AHNAK2: variants seen among roughly 807,000 people sequenced by gnomAD.
AHNAK2 encodes AHNAK nucleoprotein 2, also known as protein AHNAK2.
A neutral mutation model predicts 30.7 loss-of-function variants in AHNAK2; 18 were observed. The ratio of observed to expected loss-of-function variants is 0.59; its 90% CI spans 0.41 to 0.87. The LOEUF (loss-of-function observed/expected upper bound fraction) is 0.87. Among genes scored for constraint, AHNAK2 ranks in the 40% least tolerant of loss-of-function variants. AHNAK2 has a pLI of 0.00. For synonymous variants in AHNAK2, 3,590 were observed against 3,073.8 expected, an observed-to-expected ratio of 1.17 and a Z score of -5.56; for missense variants, 8,604 against 7,373.0, an observed-to-expected ratio of 1.17 and a Z score of -6.11.
rs774769074 is a variant in AHNAK2 at position 104,953,962 on chromosome 14, A to G, written c.1489T>C (p.Ser497Pro). The part of the protein sequence containing the change: ...HDLKTPKFAF[S>P]TEKEPERERR... ...TCTCTTTCTGGCTCTTTTTCTGTGG[A>G]AAATGCAAATTTTGGTGTCTTTAAA... The change falls in exon 7 of 7, where the codon TCC becomes CCC. Residue 497 changes from serine (S) to proline (P), a missense_variant. Transcript: ENST00000333244. 14 of 1,613,704 alleles carry G rather than the reference A, an allele frequency of 8.7e-6. No individual in the cohort carries two copies. The highest frequency in any genetic ancestry group is 4.5e-5 in the East Asian group (2 of 44,886).
At position 104,938,708 on chromosome 14, in the gene AHNAK2, G is replaced by T. The variant is rs1309917729; in HGVS notation, c.16743C>A (p.Val5581=). 6.2e-7 allele frequency: 1 copy of T among 1,613,346 alleles called. No individual in the cohort carries two copies. Among genetic ancestry groups the T allele is most frequent in the African/African-American group, 1.3e-5 (1 of 74,920 alleles). The change falls in exon 7 of 7, where the codon GTC becomes GTA. Residue 5581 remains valine, a synonymous_variant. Transcript: ENST00000333244. The part of the protein sequence containing the change: ...GEPFEMISSS[V]NVLGQQTLTF... ...TGAGTGTTTGCTGTCCCAGTACATT[G>T]ACGCTGGAAGAGATCATCTCAAATG...
At position 104,945,224 on chromosome 14, in the gene AHNAK2, G is replaced by T; in HGVS notation, c.10227C>A (p.Pro3409=). ...GCTTGGGGCCCTTGATGTCCACCTG[G>T]GGGCTCTTGAGGTCCACTTTGGGCA... The part of the protein sequence containing the change: ...FKMPKVDLKS[P]QVDIKGPKLD... The change falls in exon 7 of 7, where the codon CCC becomes CCA. Residue 3409 remains proline (P), a synonymous_variant. Coordinates refer to ENST00000333244, the MANE Select transcript of AHNAK2 (RefSeq NM_138420.4). 6.2e-7 allele frequency: 1 copy of T among 1,612,904 alleles called. No individual in the cohort carries two copies. Among genetic ancestry groups the T allele is most frequent in the Non-Finnish European group, 8.5e-7 (1 of 1,179,566 alleles).
chr14:104,938,928 G>A lies in AHNAK2; in HGVS notation c.16523C>T (p.Thr5508Met), dbSNP rs372998948. The change falls in exon 7 of 7, where the codon ACG becomes ATG. Residue 5508 changes from threonine to methionine, a missense_variant. Coordinates refer to ENST00000333244, the MANE Select transcript of AHNAK2 (RefSeq NM_138420.4). The stretch of plus-strand genomic sequence containing the variant: ...GTACGAAGGTGTTTGAATCTCTGAC[G>A]TGGGGATCTCTGATTCCCGCACAAT... The part of the protein sequence containing the change: ...TQIVRESEIP[T>M]SEIQTPSYGF... 1.2e-4 allele frequency: 189 copies of A among 1,613,512 alleles called. No individual in the cohort carries two copies. Among genetic ancestry groups the A allele is most frequent in the Non-Finnish European group, 1.5e-4 (175 of 1,179,820 alleles).
chr14:104,948,217 G>A lies in AHNAK2; in HGVS notation c.7234C>T (p.Pro2412Ser), dbSNP rs1312216174. The change falls in exon 7 of 7, where the codon CCC becomes TCC. Residue 2412 changes from proline to serine, a missense_variant. Pro to Ser is a moderately conservative substitution (Grantham distance 74, BLOSUM62 -1). Coordinates refer to ENST00000333244, the MANE Select transcript of AHNAK2 (RefSeq NM_138420.4). Reference protein sequence around the residue: ...PKLQMPSFKMPKVDLKGPQID... With the variant: ...PKLQMPSFKMSKVDLKGPQID... ...TGGGGGCCCTTGAGATCTACTTTGGGCATCTTGAAACTGGGCATCTGCAGC... is the reference window on the plus strand; with the variant it reads ...TGGGGGCCCTTGAGATCTACTTTGGACATCTTGAAACTGGGCATCTGCAGC... The A allele has an allele frequency of 1.2e-6, 2 of 1,612,372 alleles. No homozygotes were observed. Among genetic ancestry groups the A allele is most frequent in the Non-Finnish European group, 1.7e-6 (2 of 1,179,536 alleles).
chr14:104,959,420 T>C (rs959299913), intron 1 of AHNAK2, among the ~76,000 whole-genome samples: 10 of 152,200 alleles, frequency 6.6e-5, no homozygotes, highest in Non-Finnish European at 1.3e-4. Flanking sequence ...TCCGCCTGCC[T>C]CAGCCTCCCA....
At position 104,957,515 on chromosome 14, in the gene AHNAK2, G is replaced by T. The variant is rs1448722996; in HGVS notation, c.115-7C>A. 21 of 1,595,528 alleles carry T rather than the reference G, an allele frequency of 1.3e-5. No homozygotes were observed. Among genetic ancestry groups the T allele is most frequent in the Non-Finnish European group, 1.7e-5 (20 of 1,170,434 alleles). On this transcript the variant is annotated splice_region_variant and splice_polypyrimidine_tract_variant and intron_variant, in intron 2 of 6. Coordinates refer to ENST00000333244, the MANE Select transcript of AHNAK2 (RefSeq NM_138420.4). The stretch of plus-strand genomic sequence containing the variant: ...CCGCAGGCCCTTCAGTCACCTGACG[G>T]GAGAGAATCCAGTTATTTTTGCCAC...
Position 104,950,348 on chromosome 14 carries a change from C to G in AHNAK2, c.5103G>C (p.Leu1701=), listed in dbSNP as rs2582506. The part of the protein sequence containing the change: ...DVSLPSMQGD[L]KTTDLSIQSP... ...ACTGAATGCTGAGGTCAGTGGTCTTCAGGTCCCCCTGCATGGAGGGGAGGC... is the reference window on the plus strand; with the variant it reads ...ACTGAATGCTGAGGTCAGTGGTCTTGAGGTCCCCCTGCATGGAGGGGAGGC... The change falls in exon 7 of 7, where the codon CTG becomes CTC. Residue 1701 remains leucine (L), a synonymous_variant. Transcript: ENST00000333244. 1,040,826 of 1,578,850 alleles carry G rather than the reference C, an allele frequency of 0.66. 382,234 individuals are homozygous for G. The highest frequency in any genetic ancestry group is 0.74 in the Middle Eastern group (4,423 of 6,002).
chr14:104,953,532 T>C lies in AHNAK2; in HGVS notation c.1919A>G (p.Asp640Gly). The C allele has an allele frequency of 2.5e-6, 4 of 1,614,014 alleles. No homozygotes were observed. Among genetic ancestry groups the C allele is most frequent in the Non-Finnish European group, 3.4e-6 (4 of 1,179,894 alleles). ...TATTTTTGTTGTGTTTGTCATTGAG[T>C]CACTGTCTTCTTTGTCTTTTAATCC... Reference protein sequence around the residue: ...EEGLKDKEDSDSMTNTTKIQL... With the variant: ...EEGLKDKEDSGSMTNTTKIQL... The change falls in exon 7 of 7, where the codon GAC becomes GGC. Residue 640 changes from aspartate (D) to glycine (G), a missense_variant. Coordinates refer to ENST00000333244, the MANE Select transcript of AHNAK2 (RefSeq NM_138420.4).
At position 104,948,770 on chromosome 14, in the gene AHNAK2, G is replaced by T. The variant is rs371653767; in HGVS notation, c.6681C>A (p.Pro2227=). The T allele has an allele frequency of 6.2e-7, 1 of 1,610,764 alleles. No homozygotes were observed. The highest frequency in any genetic ancestry group is 1.4e-5 in the African/African-American group (1 of 73,440). ...VDVKLLEGPV[P]EEVGLKGHLP... is the part of the protein sequence containing the mutation. Reference sequence around the variant, plus strand: ...GGTGCCCTTTGAGGCCGACTTCCTCGGGCACAGGGCCCTCCAGGAGTTTCA... The same window carrying T: ...GGTGCCCTTTGAGGCCGACTTCCTCTGGCACAGGGCCCTCCAGGAGTTTCA... Residue 2227 remains proline (P), a synonymous_variant, in exon 7 of 7, where the codon CCC becomes CCA. Coordinates refer to ENST00000333244, the MANE Select transcript of AHNAK2 (RefSeq NM_138420.4).
chr14:104,969,741 CAT>C (rs1421163388), intron 1 of AHNAK2, among the ~76,000 whole-genome samples: 3 of 152,334 alleles, frequency 2.0e-5, no homozygotes, highest in Admixed American at 2.0e-4. Context: ...CAGGGTAGCA[CAT>C]GTGCCACCTC....
chr14:104,956,072 T>C (rs1336782163), intron 4 of AHNAK2, among the ~76,000 whole-genome samples: 1 of 152,092 alleles, frequency 6.6e-6, no homozygotes, highest in Non-Finnish European at 1.5e-5. Flanking sequence ...GGACATTGGG[T>C]GCAGCCTGCG....
intron 1 of AHNAK2, among the ~76,000 whole-genome samples, chr14:104,963,354 T>C (rs1899203268): frequency 6.6e-6 from 1 of 152,192 alleles, no homozygotes; most frequent in Non-Finnish European, 1.5e-5. Context: ...GATATCCATA[T>C]GGAAAAACAT....
At position 104,953,800 on chromosome 14, in the gene AHNAK2, C is replaced by T; in HGVS notation, c.1651G>A (p.Gly551Arg). ...CCTTCCTCTCCATCTCCTTCATCCC[C>T]CTGTGCTTCTGCATGTGTGGTTGGT... ...REPTTHAEAQGDEGDGEEGLQ... is the reference protein window; with the variant it reads ...REPTTHAEAQRDEGDGEEGLQ... The change falls in exon 7 of 7, where the codon GGG becomes AGG. Residue 551 changes from glycine to arginine, a missense_variant. By Grantham distance (125) the Gly-to-Arg change is moderately radical. Transcript: ENST00000333244. The T allele has an allele frequency of 6.2e-7, 1 of 1,613,988 alleles. No individual in the cohort carries two copies.
chr14:104,954,997 G>C lies in AHNAK2; in HGVS notation c.611C>G (p.Ser204Cys). 6 of 1,613,612 alleles carry C rather than the reference G, an allele frequency of 3.7e-6. No homozygotes were observed. The highest frequency in any genetic ancestry group is 1.1e-5 in the South Asian group (1 of 91,088). ...CTGTGGGCCGTGCTGGGCATCGCTGGAAGCCCACTCTTCATCCTGTGGGGC... is the reference window on the plus strand; with the variant it reads ...CTGTGGGCCGTGCTGGGCATCGCTGCAAGCCCACTCTTCATCCTGTGGGGC... ...LPAPQDEEWA[S>C]SDAQHGPQGK... Residue 204 changes from serine (S) to cysteine (C), a missense_variant, in exon 6 of 7, where the codon TCC becomes TGC. Ser to Cys is a moderately radical substitution (Grantham distance 112, BLOSUM62 -1). Coordinates refer to ENST00000333244, the MANE Select transcript of AHNAK2 (RefSeq NM_138420.4). The surrounding 1 kb of genome is among the most constrained non-coding windows in gnomAD (Gnocchi z 4.3).
chr14:104,963,854 G>A (rs548130734), intron 1 of AHNAK2, among the ~76,000 whole-genome samples: 10 of 149,080 alleles, frequency 6.7e-5, no homozygotes, highest in East Asian at 2.0e-4. Flanking sequence ...AAAAAAAAGA[G>A]AGAGAGAGAA....
At chr14:104,978,001 G>T (rs1277880807) in intron 1 of AHNAK2, among the ~76,000 whole-genome samples, 182 bp downstream of exon 1, 1 of 152,176 alleles carries the variant, frequency 6.6e-6, no homozygotes, top group Non-Finnish European at 1.5e-5. Flanking sequence ...TAGAACGCGA[G>T]GCATGGGAGA....
rs141727495 is a variant in AHNAK2 at position 104,938,753 on chromosome 14, G to A, written c.16698C>T (p.Leu5566=). 8,618 of 1,613,936 alleles carry A rather than the reference G, an allele frequency of 5.3e-3. 33 individuals carry two copies. Among genetic ancestry groups the A allele is most frequent in the Admixed American group, 0.012 (691 of 60,026 alleles). ...TPGVDSISGD[L]QPDTGEPFEM... ...CAAATGGTTCTCCAGTGTCAGGCTG[G>A]AGATCTCCAGAAATGGAGTCTACTC... The change falls in exon 7 of 7, where the codon CTC becomes CTT. Residue 5566 remains leucine, a synonymous_variant. Transcript: ENST00000333244.
rs768365969 is a variant in AHNAK2 at position 104,954,308 on chromosome 14, T to C, written c.1143A>G (p.Ala381=). 11 of 1,613,674 alleles carry C rather than the reference T, an allele frequency of 6.8e-6. No homozygotes were observed. The East Asian group carries it at 2.5e-4, about 36-fold the overall frequency. The change falls in exon 7 of 7, where the codon GCA becomes GCG. Residue 381 remains alanine (A), a synonymous_variant. Coordinates refer to ENST00000333244, the MANE Select transcript of AHNAK2 (RefSeq NM_138420.4). This position sits in a 1 kb window ranked among gnomAD's most constrained non-coding sequence, Gnocchi z 4.3. ...CAGGCATCACTTCTCGATCCTGTTCTGCCCTCTCCTCTCTCCTGCTGCCTG... is the reference window on the plus strand; with the variant it reads ...CAGGCATCACTTCTCGATCCTGTTCCGCCCTCTCCTCTCTCCTGCTGCCTG... The part of the protein sequence containing the change: ...AATGSRREER[A]EQDREVMPAQ...
Position 104,945,856 on chromosome 14 carries a change from G to C in AHNAK2, c.9595C>G (p.Gln3199Glu), listed in dbSNP as rs760874563. 7.4e-6 allele frequency: 10 copies of C among 1,353,060 alleles called. No individual in the cohort carries two copies. The highest frequency in any genetic ancestry group is 9.2e-6 in the Non-Finnish European group (9 of 974,258). The allele number at this position is 1,353,060 out of a possible 1,614,324, so 83.8% of individuals were successfully genotyped here. The change falls in exon 7 of 7, where the codon CAA (glutamine) becomes GAA (glutamate). Residue 3199 changes from glutamine (Q) to glutamate (E), a missense_variant. By Grantham distance (29) the Gln-to-Glu change is conservative. Transcript: ENST00000333244. ...ACCTGGCCAGCCTGGACCTCCAGTT[G>C]GGCAGAGGGGGGCTCAATGCTGATG... ...TDISIEPPSA[Q>E]LEVQAGQVDV...
Sources: gnomAD v4.1 joint callset for allele counts (sites outside exome capture counted in the v4.1 genomes callset) on GRCh38, gnomAD v4.1.1 for gene constraint, Gnocchi (gnomAD v3.1) non-coding constraint, MANE v1.5 for transcripts, NCBI Gene and HGNC (gene_info 2026-07-23, HGNC 2026-07-21) for gene names.